Variants in PRKAR1B observed in about 807,000 individuals in gnomAD.
The protein encoded by PRKAR1B is protein kinase cAMP-dependent type I regulatory subunit beta.
In PRKAR1B, 22 loss-of-function variants were observed where a neutral mutation model predicts 46.5. The observed-to-expected ratio is 0.47, with a 90% CI of 0.34 to 0.68. The LOEUF is 0.68. Among genes scored for constraint, PRKAR1B ranks in the 30% least tolerant of loss-of-function variants. The pLI is 0.01. For synonymous variants in PRKAR1B, 259 were observed against 217.7 expected, an observed-to-expected ratio of 1.19 and a Z score of -1.67; for missense variants, 445 against 535.6, an observed-to-expected ratio of 0.83 and a Z score of 1.67.
intron 4 of PRKAR1B, among the ~76,000 whole-genome samples, chr7:615,877 G>A (rs1319846921): frequency 6.8e-6 from 1 of 146,936 alleles, no homozygotes; most frequent in Non-Finnish European, 1.5e-5. Flanking sequence ...GGGAGGGAGG[G>A]AAAGGGAGAG....
intron 4 of PRKAR1B, among the ~76,000 whole-genome samples, chr7:669,854 G>T (rs1363038745): frequency 6.7e-6 from 1 of 149,754 alleles, no homozygotes; most frequent in East Asian, 2.0e-4. Flanking sequence ...TGGTGGGCAG[G>T]TCCACGTGCC....
Position 671,169 on chromosome 7 carries a change from G to A in PRKAR1B, c.440+6060C>T, listed in dbSNP as rs1291021059. On this transcript the variant is annotated intron_variant, in intron 4 of 10. Coordinates refer to ENST00000537384, the MANE Select transcript of PRKAR1B (RefSeq NM_001164760.2). ...CACCACCCACCCTCCCCAACCCACC[G>A]CTTCTCCGTCCCTCCGTTGCCTTCA... Among the ~76,000 whole-genome samples, 5 of 143,528 alleles carry A rather than the reference G, an allele frequency of 3.5e-5. No homozygotes were observed. The East Asian group carries it at 7.1e-4, about 20-fold the overall frequency. 94.2% of individuals were successfully genotyped at this position (143,528 alleles called of 152,430 possible).
intron 10 of PRKAR1B, 71 bp from the exon 11 acceptor site, chr7:550,673 C>T: frequency 7.4e-7 from 1 of 1,344,716 alleles, no homozygotes; most frequent in East Asian, 2.5e-5. Flanking sequence ...AGATTATGTC[C>T]AGGACCCTGG....
rs550821256 is a variant in PRKAR1B, at chr7:602,721, C to T, written c.549+3472G>A. On this transcript the variant is annotated intron_variant, in intron 6 of 10. Coordinates refer to ENST00000537384, the MANE Select transcript of PRKAR1B (RefSeq NM_001164760.2). This position sits in a 1 kb window ranked among gnomAD's most constrained non-coding sequence, Gnocchi z 6.4. ...CGTGTGTTGGGGACATGAGACGGGG[C>T]GGGGCAGCTGCCAGGCGGCCAATGG... is the stretch of plus-strand genomic sequence containing the variant. The T allele has an allele frequency of 1.5e-3, 257 of 170,134 alleles. 1 individual carries two copies. The highest frequency in any genetic ancestry group is 2.6e-3 in the African/African-American group (108 of 41,622). 10.5% of individuals were successfully genotyped at this position (170,134 alleles called of 1,614,324 possible).
At chr7:710,523 T>C (rs1315756850) in intron 2 of PRKAR1B, among the ~76,000 whole-genome samples, 1 of 152,204 alleles carries the variant, frequency 6.6e-6, no homozygotes, top group Non-Finnish European at 1.5e-5. Context: ...TGAGCAGGCC[T>C]GAGCTTCTCC....
intron 4 of PRKAR1B, among the ~76,000 whole-genome samples, chr7:646,407 C>A (rs761812521): frequency 6.6e-6 from 1 of 152,238 alleles, no homozygotes; most frequent in Non-Finnish European, 1.5e-5. Flanking sequence ...AAATTCTAAA[C>A]CTGGGGAAAT....
chr7:589,888 C>T (rs1292782675), intron 7 of PRKAR1B, among the ~76,000 whole-genome samples: 1 of 152,182 alleles, frequency 6.6e-6, no homozygotes, highest in Non-Finnish European at 1.5e-5. Context: ...AGAGAGGAGC[C>T]GGGACGATCC....
chr7:565,449 C>G (rs929327005), intron 9 of PRKAR1B: 3 of 152,274 alleles, frequency 2.0e-5, no homozygotes, highest in Admixed American at 2.0e-4. Context: ...CCTCAGCCCC[C>G]TTCAAAGACC....
intron 2 of PRKAR1B, among the ~76,000 whole-genome samples, chr7:707,010 C>A (rs1010449905): frequency 2.6e-5 from 4 of 152,218 alleles, no homozygotes; most frequent in Non-Finnish European, 5.9e-5. Context: ...GCCGCCCTAC[C>A]CAGAGGCACA....
At chr7:591,062 C>G (rs985336226) in intron 7 of PRKAR1B, among the ~76,000 whole-genome samples, 2 of 152,278 alleles carry the variant, frequency 1.3e-5, no homozygotes, top group African/African-American at 4.8e-5. Flanking sequence ...AGCAATTACG[C>G]CCAGCCGGAG....
chr7:688,982 G>C (rs1368967979), intron 2 of PRKAR1B, among the ~76,000 whole-genome samples: 1 of 152,094 alleles, frequency 6.6e-6, no homozygotes, highest in East Asian at 1.9e-4. Flanking sequence ...AGAAGCAACA[G>C]ACAATACAAA....
chr7:610,499 C>A (rs1782420224), intron 4 of PRKAR1B, among the ~76,000 whole-genome samples: 3 of 152,192 alleles, frequency 2.0e-5, no homozygotes, highest in Admixed American at 2.0e-4. Context: ...TCAGCAGAGC[C>A]CAGAGAGCCC....
intron 2 of PRKAR1B, among the ~76,000 whole-genome samples, chr7:681,739 C>T (rs1327637031): frequency 1.3e-5 from 2 of 152,244 alleles, no homozygotes; most frequent in African/African-American, 4.8e-5. Flanking sequence ...CTCCTGCCCA[C>T]AGACAAGTGC....
chr7:725,561 G>A (rs1400792033), intron 1 of PRKAR1B, among the ~76,000 whole-genome samples: 1 of 152,208 alleles, frequency 6.6e-6, no homozygotes, highest in Non-Finnish European at 1.5e-5. Context: ...CTTGGGAGTA[G>A]GCCAAGCTAA....
intron 4 of PRKAR1B, among the ~76,000 whole-genome samples, chr7:609,207 C>T (rs556003759): frequency 1.3e-5 from 2 of 152,302 alleles, no homozygotes; most frequent in Admixed American, 1.3e-4. Context: ...CACGCATCTG[C>T]AGGAGCCGCC....
intron 4 of PRKAR1B, among the ~76,000 whole-genome samples, chr7:649,292 A>C (rs529676683): frequency 4.5e-4 from 69 of 152,352 alleles, no homozygotes; most frequent in African/African-American, 1.6e-3. Flanking sequence ...AAATGTTTTA[A>C]TTTAAAACGT....
chr7:567,876 G>T (rs1157742198), intron 9 of PRKAR1B, among the ~76,000 whole-genome samples: 1 of 152,128 alleles, frequency 6.6e-6, no homozygotes, highest in African/African-American at 2.4e-5. Flanking sequence ...GAAGGGCTGG[G>T]AGAGGGGGGT....
chr7:575,282 TG>T (rs1350828547), intron 9 of PRKAR1B, among the ~76,000 whole-genome samples: 4 of 152,210 alleles, frequency 2.6e-5, no homozygotes, highest in African/African-American at 9.6e-5. Flanking sequence ...TGGCTGAGGC[TG>T]GGGCTGCGCT....
At chr7:566,495 T>C (rs1010620787) in intron 9 of PRKAR1B, among the ~76,000 whole-genome samples, 4 of 8,440 alleles carry the variant, frequency 4.7e-4, no homozygotes, top group Middle Eastern at 0.023. Flanking sequence ...ATCACTATCA[T>C]CACCTTCATC....
Sources: gnomAD v4.1 joint callset for allele counts (sites outside exome capture counted in the v4.1 genomes callset) on GRCh38, gnomAD v4.1.1 for gene constraint, Gnocchi (gnomAD v3.1) non-coding constraint, MANE v1.5 for transcripts, NCBI Gene and HGNC (gene_info 2026-07-23, HGNC 2026-07-21) for gene names.